Variants in KCNH8 observed in about 807,000 individuals in gnomAD.
KCNH8 encodes the protein voltage-gated delayed rectifier potassium channel KCNH8.
In KCNH8, 70 loss-of-function variants were observed where a neutral mutation model predicts 103.6. The observed-to-expected ratio is 0.68, with a 90% CI of 0.56 to 0.82. The LOEUF is 0.82. Among genes scored for constraint, KCNH8 ranks in the 40% least tolerant of loss-of-function variants. KCNH8 has a pLI of 0.00. For missense variants in KCNH8, 1,217 were observed against 1,329.9 expected, an observed-to-expected ratio of 0.92 and a Z score of 1.32; for synonymous variants, 498 against 489.4, an observed-to-expected ratio of 1.02 and a Z score of -0.23.
intron 11 of KCNH8, among the ~76,000 whole-genome samples, chr3:19,502,348 C>G (rs955067883): frequency 6.7e-6 from 1 of 150,132 alleles, no homozygotes; most frequent in African/African-American, 2.5e-5. Flanking sequence ...CCATACTGCC[C>G]AAGGTAATTT....
At chr3:19,352,409 C>T (rs1048109129) in intron 5 of KCNH8, among the ~76,000 whole-genome samples, 14 of 152,130 alleles carry the variant, frequency 9.2e-5, no homozygotes, top group Admixed American at 2.0e-4. Flanking sequence ...GAACTCTCCA[C>T]CCCAAATCAA....
intron 8 of KCNH8, chr3:19,449,081 C>A: frequency 1.6e-6 from 1 of 618,214 alleles, no homozygotes; most frequent in Non-Finnish European, 2.6e-6. Context: ...GTGGGTAATT[C>A]CTGGAAAGTG....
At chr3:19,240,838 C>A (rs968455987) in intron 1 of KCNH8, among the ~76,000 whole-genome samples, 3 of 151,480 alleles carry the variant, frequency 2.0e-5, no homozygotes, top group Non-Finnish European at 4.4e-5. Context: ...TTTTCCCTCT[C>A]CAACTGCAGT....
At chr3:19,374,132 G>T (rs2066151556) in intron 5 of KCNH8, among the ~76,000 whole-genome samples, 1 of 150,670 alleles carries the variant, frequency 6.6e-6, no homozygotes, top group South Asian at 2.1e-4. Context: ...GGTCCACTTG[G>T]TGCAGAGCTG....
intron 11 of KCNH8, among the ~76,000 whole-genome samples, chr3:19,484,231 G>C (rs1034935051): frequency 1.3e-5 from 2 of 152,106 alleles, no homozygotes; most frequent in Admixed American, 6.5e-5. Flanking sequence ...CATCTGGCTG[G>C]TCGTTTCCTG....
chr3:19,460,381 G>A (rs918338354), intron 11 of KCNH8, among the ~76,000 whole-genome samples: 2 of 152,084 alleles, frequency 1.3e-5, no homozygotes, highest in Non-Finnish European at 2.9e-5. Context: ...ATTTTAATCT[G>A]TTTCTTAGAG....
chr3:19,392,278 T>C (rs1391996585), intron 6 of KCNH8, among the ~76,000 whole-genome samples: 2 of 141,312 alleles, frequency 1.4e-5, no homozygotes. Context: ...CTAACACAAA[T>C]GCTTCATAAA....
At chr3:19,431,147 A>T (rs1319632898) in intron 7 of KCNH8, among the ~76,000 whole-genome samples, 4 of 152,068 alleles carry the variant, frequency 2.6e-5, no homozygotes, top group Admixed American at 6.6e-5. Flanking sequence ...TATTATTTTG[A>T]GGTATGTTCC....
chr3:19,475,579 T>C (rs1393170471), intron 11 of KCNH8, among the ~76,000 whole-genome samples: 2 of 152,186 alleles, frequency 1.3e-5, no homozygotes, highest in South Asian at 4.1e-4. Flanking sequence ...GTCTATCCTA[T>C]GATGAAAGCT....
At chr3:19,501,498 C>G (rs2068582442) in intron 11 of KCNH8, among the ~76,000 whole-genome samples, 1 of 152,172 alleles carries the variant, frequency 6.6e-6, no homozygotes, top group Admixed American at 6.5e-5. Flanking sequence ...GACCAATATC[C>G]CTGATTAACA....
chr3:19,204,422 AAGAG>A lies in KCNH8; in HGVS notation c.77-49217_77-49214del, dbSNP rs57494828. 1.0e-4 allele frequency among the ~76,000 whole-genome samples: 15 copies of A among 149,136 alleles called. No individual in the cohort carries two copies. In the South Asian group the frequency reaches 1.7e-3, roughly 17 times the overall value. On this transcript the variant is annotated intron_variant, in intron 1 of 15. Coordinates refer to ENST00000328405, the MANE Select transcript of KCNH8 (RefSeq NM_144633.3). ...TACTCTCTCTTGCTGGGAGTGGGGG[AAGAG>A]AGAGAGAGAGAGAGTGTCTGTGTGT...
At chr3:19,237,807 G>A (rs957747655) in intron 1 of KCNH8, among the ~76,000 whole-genome samples, 10 of 152,278 alleles carry the variant, frequency 6.6e-5, no homozygotes, top group East Asian at 1.9e-4. Context: ...GTGCACAAAC[G>A]TGTGTATGTC....
chr3:19,384,981 C>T (rs1393603138), intron 5 of KCNH8, among the ~76,000 whole-genome samples: 1 of 151,974 alleles, frequency 6.6e-6, no homozygotes. Context: ...TTTGTGAAAA[C>T]CACCAAACTA....
intron 1 of KCNH8, among the ~76,000 whole-genome samples, chr3:19,166,394 A>C (rs989756645): frequency 6.6e-6 from 1 of 152,236 alleles, no homozygotes. Context: ...GCACATGCAA[A>C]AAAATACACT....
At chr3:19,329,971 A>C (rs1231570769) in intron 3 of KCNH8, among the ~76,000 whole-genome samples, 1 of 150,456 alleles carries the variant, frequency 6.6e-6, no homozygotes, top group Admixed American at 6.6e-5. Flanking sequence ...TGTGATTTTG[A>C]GAAGTATGCT....
At chr3:19,352,764 G>A (rs1327273645) in intron 5 of KCNH8, among the ~76,000 whole-genome samples, 1 of 152,100 alleles carries the variant, frequency 6.6e-6, no homozygotes, top group African/African-American at 2.4e-5. Flanking sequence ...AGCACTAAAT[G>A]CCCACAAGAG....
chr3:19,296,491 A>G (rs888556587), intron 3 of KCNH8, among the ~76,000 whole-genome samples: 6 of 152,230 alleles, frequency 3.9e-5, no homozygotes, highest in African/African-American at 9.6e-5. Context: ...TAGTTTTTTC[A>G]TGCATTCCTT....
intron 11 of KCNH8, among the ~76,000 whole-genome samples, chr3:19,492,260 C>G (rs778301560): frequency 1.3e-5 from 2 of 152,120 alleles, no homozygotes; most frequent in Non-Finnish European, 2.9e-5. Context: ...ACACTAATGT[C>G]AAGAAGAGTA....
chr3:19,175,684 C>G (rs1422563493), intron 1 of KCNH8, among the ~76,000 whole-genome samples: 1 of 152,174 alleles, frequency 6.6e-6, no homozygotes, highest in Admixed American at 6.5e-5. Flanking sequence ...TTCTTATACA[C>G]TTCCTTATAT....
Sources: allele counts gnomAD v4.1 joint callset (sites outside exome capture counted in the v4.1 genomes callset), GRCh38; gene constraint gnomAD v4.1.1; transcripts MANE v1.5; gene names NCBI Gene and HGNC (gene_info 2026-07-23, HGNC 2026-07-21).